The following LHFPL2 variants were observed in gnomAD, a reference collection of about 807,000 sequenced individuals.
LHFPL2 encodes the protein LHFPL tetraspan subfamily member 2 protein.
Under a neutral mutation model 17.5 loss-of-function variants are expected in LHFPL2, and 7 were observed. The ratio of observed to expected loss-of-function variants is 0.40; its 90% CI spans 0.23 to 0.75. LHFPL2 has a LOEUF of 0.75. LHFPL2 is among the 30% of genes least tolerant of loss of function. LHFPL2 has a pLI of 0.37. For missense variants in LHFPL2, 241 were observed against 294.8 expected, an observed-to-expected ratio of 0.82 and a Z score of 1.34; for synonymous variants, 134 against 116.2, an observed-to-expected ratio of 1.15 and a Z score of -0.99.
rs146515120 is a variant in LHFPL2, at chr5:78,495,283, CA to C, written c.431-6131del. Among the ~76,000 whole-genome samples, 1,044 of 152,124 alleles carry C rather than the reference CA, an allele frequency of 6.9e-3. 7 individuals carry two copies. Among genetic ancestry groups the C allele is most frequent in the Non-Finnish European group, 0.011 (724 of 68,016 alleles). ...GGTTATTTCACAGCCTTTCCCTGACCAACCCACCCTCTCCACATCAGTCATG... is the reference window on the plus strand; with the variant it reads ...GGTTATTTCACAGCCTTTCCCTGACCACCCACCCTCTCCACATCAGTCATG... On this transcript the variant is annotated intron_variant, in intron 4 of 4. Coordinates refer to ENST00000380345, the MANE Select transcript of LHFPL2 (RefSeq NM_005779.3).
chr5:78,535,333 C>G (rs1755915667), intron 3 of LHFPL2, among the ~76,000 whole-genome samples: 1 of 152,186 alleles, frequency 6.6e-6, no homozygotes, highest in Non-Finnish European at 1.5e-5. Flanking sequence ...CACTGACAGA[C>G]AGACCCCCCT....
chr5:78,586,237 T>C (rs890745), intron 2 of LHFPL2, among the ~76,000 whole-genome samples: 66,937 of 152,068 alleles, frequency 0.44, 14,849 homozygotes, highest in Middle Eastern at 0.49. Flanking sequence ...ATCCGAAACA[T>C]GGGAGTCAAC....
intron 1 of LHFPL2, among the ~76,000 whole-genome samples, chr5:78,633,567 G>C (rs1023288915): frequency 2.0e-5 from 3 of 152,230 alleles, no homozygotes; most frequent in African/African-American, 7.2e-5. Flanking sequence ...GGGGGACAGA[G>C]TACAGAGATG....
At chr5:78,510,648 G>T (rs1755089427) in intron 3 of LHFPL2, among the ~76,000 whole-genome samples, 1 of 152,248 alleles carries the variant, frequency 6.6e-6, no homozygotes, top group Non-Finnish European at 1.5e-5. Flanking sequence ...GGCGGCCAGT[G>T]CCAGGTCCTG....
At chr5:78,580,177 C>T (rs1743062049) in intron 2 of LHFPL2, among the ~76,000 whole-genome samples, 2 of 152,134 alleles carry the variant, frequency 1.3e-5, no homozygotes, top group African/African-American at 4.8e-5. Context: ...ATGTCCTTCA[C>T]CCACTTTTTG....
chr5:78,560,245 G>C (rs1580807885), intron 3 of LHFPL2, among the ~76,000 whole-genome samples: 1 of 152,282 alleles, frequency 6.6e-6, no homozygotes, highest in South Asian at 2.1e-4. Flanking sequence ...GTGCCACTAG[G>C]GCATCAATGT....
In LHFPL2 at chr5:78,612,003, CCGAAACAA is replaced by C. The variant is rs371264027; in HGVS notation, c.-245+20253_-245+20260del. 6.7e-3 allele frequency among the ~76,000 whole-genome samples: 1,026 copies of C among 152,276 alleles called. 11 individuals are homozygous for C. The highest frequency in any genetic ancestry group is 0.023 in the African/African-American group (975 of 41,552). On this transcript the variant is annotated intron_variant, in intron 2 of 4. Transcript: ENST00000380345. The stretch of plus-strand genomic sequence containing the variant: ...TCCTTTCTAGACAGTGTATTTCTCT[CCGAAACAA>C]CGAAACAACTATTTTTATTTATTTG...
chr5:78,578,784 GACA>G (rs1230105377), intron 2 of LHFPL2, among the ~76,000 whole-genome samples: 1 of 152,152 alleles, frequency 6.6e-6, no homozygotes, highest in Non-Finnish European at 1.5e-5. Context: ...CAAGGTTTTT[GACA>G]ACATTCCACT....
intron 2 of LHFPL2, among the ~76,000 whole-genome samples, chr5:78,630,859 A>G (rs374548446): frequency 1.1e-4 from 17 of 152,350 alleles, no homozygotes; most frequent in African/African-American, 4.1e-4. Context: ...TAGTGACAGT[A>G]GTCTGGCTAG....
intron 4 of LHFPL2, among the ~76,000 whole-genome samples, chr5:78,493,646 T>C (rs902722107): frequency 6.6e-6 from 1 of 152,006 alleles, no homozygotes; most frequent in Non-Finnish European, 1.5e-5. Flanking sequence ...AGGAAATCAG[T>C]AAAATAACTG....
chr5:78,587,131 T>C (rs1743440659), intron 2 of LHFPL2, among the ~76,000 whole-genome samples: 1 of 152,208 alleles, frequency 6.6e-6, no homozygotes, highest in Non-Finnish European at 1.5e-5. Context: ...ATATGAATTG[T>C]AGAAAAACAG....
Position 78,595,064 on chromosome 5 carries a change from C to G in LHFPL2, c.-244-30193G>C, listed in dbSNP as rs189759596. On this transcript the variant is annotated intron_variant, in intron 2 of 4. Transcript: ENST00000380345. The stretch of plus-strand genomic sequence containing the variant: ...ACCCTGTGTGTTTCGAATTCACACT[C>G]AAGAATGTGAAAATAATCAGCTATG... Among the ~76,000 whole-genome samples the G allele has an allele frequency of 4.6e-5, 7 of 152,246 alleles. No individual in the cohort carries two copies. In the East Asian group the frequency reaches 1.4e-3, roughly 29 times the overall value.
intron 4 of LHFPL2, among the ~76,000 whole-genome samples, chr5:78,501,307 T>G (rs964690318): frequency 6.6e-6 from 1 of 152,196 alleles, no homozygotes; most frequent in African/African-American, 2.4e-5. Context: ...ATACATCGGC[T>G]TGATGAAATG....
chr5:78,585,667 C>T (rs976337417), intron 2 of LHFPL2, among the ~76,000 whole-genome samples: 1 of 152,216 alleles, frequency 6.6e-6, no homozygotes, highest in African/African-American at 2.4e-5. Flanking sequence ...AGCACTAAAA[C>T]AACCTCCACC....
intron 3 of LHFPL2, among the ~76,000 whole-genome samples, chr5:78,542,951 C>A (rs1001028243): frequency 7.2e-5 from 11 of 152,118 alleles, no homozygotes; most frequent in Non-Finnish European, 1.5e-4. Flanking sequence ...CAAAACGCAG[C>A]CCAAGAAATT....
intron 4 of LHFPL2, among the ~76,000 whole-genome samples, chr5:78,490,914 C>G (rs1056179717): frequency 2.6e-5 from 4 of 152,176 alleles, no homozygotes; most frequent in Non-Finnish European, 5.9e-5. Flanking sequence ...ATCTTGGCAT[C>G]TTGGCTCTGA....
chr5:78,566,231 G>A (rs1756855992), intron 2 of LHFPL2, among the ~76,000 whole-genome samples: 1 of 152,162 alleles, frequency 6.6e-6, no homozygotes, highest in Non-Finnish European at 1.5e-5. Flanking sequence ...AGCTACGAAT[G>A]TCCACACTTA....
chr5:78,493,985 G>A (rs1381584354), intron 4 of LHFPL2, among the ~76,000 whole-genome samples: 2 of 152,202 alleles, frequency 1.3e-5, no homozygotes, highest in African/African-American at 2.4e-5. Flanking sequence ...GGTAAAGGAT[G>A]CTTTGGACTG....
intron 2 of LHFPL2, chr5:78,625,353 C>G (rs1026217717): frequency 2.0e-5 from 3 of 152,170 alleles, no homozygotes; most frequent in Non-Finnish European, 4.4e-5. Flanking sequence ...GGGGCAACTT[C>G]AAGCCTATTT....
Sources: allele counts gnomAD v4.1 joint callset (sites outside exome capture counted in the v4.1 genomes callset), GRCh38; gene constraint gnomAD v4.1.1; transcripts MANE v1.5; gene names NCBI Gene and HGNC (gene_info 2026-07-23, HGNC 2026-07-21).